The following SNX29 variants were observed in gnomAD, a reference collection of about 807,000 sequenced individuals.
SNX29 encodes the protein sorting nexin 29.
In SNX29, 78 loss-of-function variants were observed where a neutral mutation model predicts 102.1. The ratio of observed to expected loss-of-function variants is 0.76; its 90% CI spans 0.64 to 0.92. The LOEUF is 0.92. Among genes scored for constraint, SNX29 ranks in the 40% least tolerant of loss-of-function variants. The pLI, the probability that SNX29 is intolerant of heterozygous loss-of-function variation, is 0.00. For synonymous variants in SNX29, 580 were observed against 414.5 expected (o/e 1.40, Z -4.85); for missense variants, 1,280 against 1,061.7 (o/e 1.21, Z -2.86).
intron 19 of SNX29, among the ~76,000 whole-genome samples, chr16:12,504,401 C>T (rs1215341767): frequency 6.6e-6 from 1 of 151,864 alleles, no homozygotes; most frequent in Non-Finnish European, 1.5e-5. Flanking sequence ...AGCCTCTCCC[C>T]ATTTCTCCCC....
chr16:12,031,446 C>T (rs997557624), intron 4 of SNX29, among the ~76,000 whole-genome samples: 4 of 152,030 alleles, frequency 2.6e-5, no homozygotes, highest in African/African-American at 9.7e-5. Flanking sequence ...TCTTTCCCTT[C>T]TGCTACCTTC....
intron 15 of SNX29, among the ~76,000 whole-genome samples, chr16:12,318,035 C>A (rs2080808850): frequency 6.6e-6 from 1 of 152,256 alleles, no homozygotes; most frequent in Non-Finnish European, 1.5e-5. Flanking sequence ...GAGGACTGAC[C>A]TTGTGTTCGG....
At chr16:12,566,987 C>G (rs1188696497) in intron 20 of SNX29, among the ~76,000 whole-genome samples, 3 of 152,218 alleles carry the variant, frequency 2.0e-5, no homozygotes, top group Admixed American at 6.5e-5. Flanking sequence ...GGCCATGTCC[C>G]TGGAAAGGTG....
intron 15 of SNX29, among the ~76,000 whole-genome samples, chr16:12,326,569 G>A (rs749647907): frequency 1.7e-4 from 26 of 152,132 alleles, no homozygotes; most frequent in Non-Finnish European, 3.4e-4. Context: ...GAATGGGTGG[G>A]ATTGTGTTCC....
At chr16:12,489,814 C>T (rs1473818762) in intron 19 of SNX29, among the ~76,000 whole-genome samples, 1 of 151,774 alleles carries the variant, frequency 6.6e-6, no homozygotes, top group African/African-American at 2.4e-5. Context: ...TTGGCTTTTT[C>T]TTTTTTTTCG....
At chr16:11,991,010 A>G (rs1250152348) in intron 1 of SNX29, among the ~76,000 whole-genome samples, 2 of 152,224 alleles carry the variant, frequency 1.3e-5, no homozygotes, top group Non-Finnish European at 2.9e-5. Context: ...CCTTTGGCCC[A>G]CAAAGCCTAA....
At chr16:12,483,730 G>A (rs527758557) in intron 19 of SNX29, among the ~76,000 whole-genome samples, 2 of 152,288 alleles carry the variant, frequency 1.3e-5, no homozygotes, top group South Asian at 2.1e-4. Context: ...TCTGTCCATC[G>A]TGGGTTGGCT....
chr16:12,492,614 G>A (rs2088608439), intron 19 of SNX29, among the ~76,000 whole-genome samples: 1 of 152,204 alleles, frequency 6.6e-6, no homozygotes, highest in Non-Finnish European at 1.5e-5. Flanking sequence ...CCATGCCTAT[G>A]TCCTGAATGG....
In SNX29 at chr16:12,552,068, CTG is replaced by C. The variant is rs1277027661; in HGVS notation, c.2319-16436_2319-16435del. The stretch of plus-strand genomic sequence containing the variant: ...GAAGGATTTTTGGGGCACTGAATCT[CTG>C]TCTCAATCACTCAACTGTGCTATCC... On this transcript the variant is annotated intron_variant, in intron 20 of 20. Coordinates refer to ENST00000566228, the MANE Select transcript of SNX29 (RefSeq NM_032167.5). Among the ~76,000 whole-genome samples the C allele has an allele frequency of 4.6e-4, 70 of 151,660 alleles. 1 individual carries two copies. The highest frequency in any genetic ancestry group is 1.7e-3 in the African/African-American group (69 of 41,418).
At chr16:12,467,591 C>T (rs895449647) in intron 18 of SNX29, among the ~76,000 whole-genome samples, 4 of 150,654 alleles carry the variant, frequency 2.7e-5, no homozygotes, top group Non-Finnish European at 4.4e-5. Context: ...CTGACCTGTT[C>T]GTTCATTCGT....
At chr16:12,438,207 G>A (rs2085625751) in intron 18 of SNX29, among the ~76,000 whole-genome samples, 1 of 152,168 alleles carries the variant, frequency 6.6e-6, no homozygotes, top group Non-Finnish European at 1.5e-5. Flanking sequence ...CAGGTGACTT[G>A]AAGGCAGCCA....
At chr16:12,021,607 G>T (rs1014078071) in intron 3 of SNX29, among the ~76,000 whole-genome samples, 2 of 152,116 alleles carry the variant, frequency 1.3e-5, no homozygotes, top group East Asian at 3.9e-4. Context: ...TATAGGACAG[G>T]CTGGGCTTGG....
intron 15 of SNX29, among the ~76,000 whole-genome samples, chr16:12,295,501 C>T (rs1047528131): frequency 6.6e-6 from 1 of 152,206 alleles, no homozygotes; most frequent in Non-Finnish European, 1.5e-5. Flanking sequence ...CTGCAGCTTC[C>T]GTTGACGAAG....
At chr16:12,197,776 A>G (rs1221639551) in intron 13 of SNX29, among the ~76,000 whole-genome samples, 1 of 152,058 alleles carries the variant, frequency 6.6e-6, no homozygotes, top group Admixed American at 6.5e-5. Flanking sequence ...CTTGTGGTTT[A>G]CTTTCTCCAG....
chr16:12,033,030 T>G (rs1215916243), intron 4 of SNX29, among the ~76,000 whole-genome samples: 1 of 152,044 alleles, frequency 6.6e-6, no homozygotes, highest in Non-Finnish European at 1.5e-5. Flanking sequence ...AATTTTTGTA[T>G]TTTTAGTAGA....
chr16:12,166,310 G>C (rs957997804), intron 13 of SNX29, among the ~76,000 whole-genome samples: 11 of 152,206 alleles, frequency 7.2e-5, no homozygotes, highest in African/African-American at 2.7e-4. Context: ...AGGGGGCCAT[G>C]ATGGGCATTC....
chr16:12,089,774 C>T (rs2052411555), intron 11 of SNX29: 1 of 332,750 alleles, frequency 3.0e-6, no homozygotes, highest in Admixed American at 4.6e-5. Context: ...CTCACTTCCT[C>T]TTGCGAAGAG....
intron 13 of SNX29, among the ~76,000 whole-genome samples, chr16:12,172,345 C>T (rs1304739317): frequency 6.6e-6 from 1 of 152,146 alleles, no homozygotes; most frequent in Non-Finnish European, 1.5e-5. Flanking sequence ...GGTGTCAGTG[C>T]AGGGCTGAGA....
chr16:11,983,235 AT>A (rs557542669), intron 1 of SNX29, among the ~76,000 whole-genome samples: 4,579 of 129,296 alleles, frequency 0.035, 109 homozygotes, highest in African/African-American at 0.094. Context: ...CTGGGTTACA[AT>A]TTTTTTTTTT....
Sources: allele counts gnomAD v4.1 joint callset (sites outside exome capture counted in the v4.1 genomes callset), GRCh38; gene constraint gnomAD v4.1.1; transcripts MANE v1.5; gene names NCBI Gene and HGNC (gene_info 2026-07-23, HGNC 2026-07-21).